The following KDM4B variants were observed in gnomAD, a reference collection of about 807,000 sequenced individuals.
The protein encoded by KDM4B is lysine demethylase 4B.
KDM4B carries 32 observed loss-of-function variants against 125.2 expected under a neutral mutation model. The observed-to-expected ratio is 0.26, with a 90% CI of 0.19 to 0.34. The LOEUF is 0.34. Among genes scored for constraint, KDM4B ranks in the 10% least tolerant of loss-of-function variants. The probability of loss-of-function intolerance (pLI) is 1.00; values close to 1 mark genes in which losing one functional copy is unlikely to be tolerated. For missense variants in KDM4B, 1,190 were observed against 1,577.7 expected (o/e 0.75, Z 4.16); for synonymous variants, 721 against 677.9 (o/e 1.06, Z -0.99).
chr19:5,144,765 C>T lies in KDM4B; in HGVS notation c.2902-18C>T, dbSNP rs561475468. ...GTAGTGTGGCCAGGACCTCACCTCC[C>T]ACCTCTTCTCCCTGCAGAGTAGGGA... On this transcript the variant is annotated intron_variant, in intron 20 of 22. Coordinates refer to ENST00000159111, the MANE Select transcript of KDM4B (RefSeq NM_015015.3). 17 of 1,613,360 alleles carry T rather than the reference C, an allele frequency of 1.1e-5. No individual in the cohort carries two copies. The highest frequency in any genetic ancestry group is 3.3e-5 in the Admixed American group (2 of 60,002).
At chr19:4,976,772 C>A (rs181940893) in intron 1 of KDM4B, among the ~76,000 whole-genome samples, 1 of 152,288 alleles carries the variant, frequency 6.6e-6, no homozygotes, top group Non-Finnish European at 1.5e-5. Context: ...ATCGTGCGGT[C>A]AGTAGCCGAG....
In KDM4B at chr19:5,137,803, G is replaced by A. The variant is rs1754066641; in HGVS notation, c.2441+127G>A. The A allele has an allele frequency of 4.6e-6, 5 of 1,079,846 alleles. No individual in the cohort carries two copies. In the African/African-American group the frequency reaches 7.8e-5, roughly 17 times the overall value. The allele number at this position is 1,079,846 out of a possible 1,614,324, so 66.9% of individuals were successfully genotyped here. The stretch of plus-strand genomic sequence containing the variant: ...CTCCACATAACCGCCCTGTGTCATG[G>A]ATGGGGTGGCCAGGGCTGAGGAGGA... On this transcript the variant is annotated intron_variant, in intron 17 of 22. Coordinates refer to ENST00000159111, the MANE Select transcript of KDM4B (RefSeq NM_015015.3).
chr19:4,999,004 C>T (rs1169861685), intron 1 of KDM4B, among the ~76,000 whole-genome samples: 1 of 152,166 alleles, frequency 6.6e-6, no homozygotes, highest in Non-Finnish European at 1.5e-5. Flanking sequence ...GGTTTCCCCA[C>T]CCTAACATTA....
At chr19:4,970,842 G>C (rs1273947830) in intron 1 of KDM4B, among the ~76,000 whole-genome samples, 2 of 152,178 alleles carry the variant, frequency 1.3e-5, no homozygotes, top group Non-Finnish European at 2.9e-5. Flanking sequence ...TCTGAGCCGA[G>C]GATTTCTGGG....
chr19:5,041,349 C>T (rs1256224922), intron 5 of KDM4B, 98 bp downstream of exon 5: 3 of 901,644 alleles, frequency 3.3e-6, no homozygotes, highest in Non-Finnish European at 5.2e-6. Context: ...ATGAAGCTTC[C>T]AGGCAGGCAA....
At chr19:5,110,914 G>A (rs1182905515) in intron 10 of KDM4B, 96 bp downstream of exon 10, 9 of 984,952 alleles carry the variant, frequency 9.1e-6, no homozygotes, top group South Asian at 1.7e-5. Flanking sequence ...GGGGCTCCGG[G>A]CCGTGTCCCA....
chr19:4,989,581 TC>T (rs2034966113), intron 1 of KDM4B, among the ~76,000 whole-genome samples: 1 of 152,146 alleles, frequency 6.6e-6, no homozygotes, highest in Non-Finnish European at 1.5e-5. Flanking sequence ...CCTCAGGTGA[TC>T]CGCCTGCCTC....
rs370061478 is a variant in KDM4B at position 5,120,958 on chromosome 19, G to A, written c.1315+1106G>A. 2.4e-4 allele frequency among the ~76,000 whole-genome samples: 37 copies of A among 152,304 alleles called. No homozygotes were observed. In the South Asian group the frequency reaches 7.0e-3, roughly 29 times the overall value. The stretch of plus-strand genomic sequence containing the variant: ...GCCCAACATGACCTGGTCTGCCTCT[G>A]AGGTGTCAGGTCTCCAGGACGCGCT... On this transcript the variant is annotated intron_variant, in intron 11 of 22. Coordinates refer to ENST00000159111, the MANE Select transcript of KDM4B (RefSeq NM_015015.3).
chr19:5,151,471 G>A lies in KDM4B; in HGVS notation c.3251G>A (p.Ser1084Asn), dbSNP rs1386826290. 3.3e-6 allele frequency: 5 copies of A among 1,510,268 alleles called. No individual in the cohort carries two copies. In the South Asian group the frequency reaches 4.9e-5, roughly 15 times the overall value. The allele number at this position is 1,510,268 out of a possible 1,614,324, so 93.6% of individuals were successfully genotyped here. The part of the protein sequence containing the change: ...RSQDYVAFVE[S>N]LLQVQGRPGA... ...CAGGACTACGTGGCCTTCGTGGAGA[G>A]CCTCCTGCAGGTGCAGGGCCGGCCC... Residue 1084 changes from serine (S) to asparagine (N), a missense_variant, in exon 23 of 23, where the codon AGC becomes AAC. Coordinates refer to ENST00000159111, the MANE Select transcript of KDM4B (RefSeq NM_015015.3).
intron 2 of KDM4B, among the ~76,000 whole-genome samples, chr19:5,026,555 G>A (rs958771984): frequency 4.6e-5 from 7 of 152,126 alleles, no homozygotes; most frequent in African/African-American, 9.7e-5. Context: ...ATTGGGCCCC[G>A]TCTCGTCCCA....
chr19:5,061,595 C>T (rs1373372428), intron 6 of KDM4B, among the ~76,000 whole-genome samples: 1 of 152,132 alleles, frequency 6.6e-6, no homozygotes, highest in Non-Finnish European at 1.5e-5. Context: ...CAGGTTGGCT[C>T]ATGCCTGTAA....
intron 6 of KDM4B, among the ~76,000 whole-genome samples, chr19:5,063,787 C>T (rs1307358786): frequency 2.0e-5 from 3 of 152,242 alleles, no homozygotes; most frequent in Non-Finnish European, 4.4e-5. Flanking sequence ...TGGCCATTTC[C>T]GTGGACGGAG....
intron 6 of KDM4B, among the ~76,000 whole-genome samples, chr19:5,058,063 A>T (rs1255480593): frequency 6.6e-6 from 1 of 152,240 alleles, no homozygotes; most frequent in Non-Finnish European, 1.5e-5. Flanking sequence ...GCCAGCACCC[A>T]GTCACGTGGC....
In KDM4B at chr19:5,088,377, C is replaced by T. The variant is rs909984267; in HGVS notation, c.918+5873C>T. Among the ~76,000 whole-genome samples the T allele has an allele frequency of 5.3e-5, 8 of 152,318 alleles. 1 individual carries two copies. The highest frequency in any genetic ancestry group is 1.7e-4 in the African/African-American group (7 of 41,570). On this transcript the variant is annotated intron_variant, in intron 9 of 22. Coordinates refer to ENST00000159111, the MANE Select transcript of KDM4B (RefSeq NM_015015.3). ...CCCGGGCTTTGTCTCCAACTCCCCC[C>T]GTGATTCCTGGACCACGCAGGCCAT...
intron 13 of KDM4B, 31 bp from the exon 14 acceptor site, chr19:5,133,852 G>A: frequency 6.2e-7 from 1 of 1,607,268 alleles, no homozygotes; most frequent in African/African-American, 1.3e-5. Context: ...GGGCTCAAGT[G>A]TCTCTCTCCC....
chr19:4,996,704 C>T (rs1401715363), intron 1 of KDM4B, among the ~76,000 whole-genome samples: 1 of 152,210 alleles, frequency 6.6e-6, no homozygotes, highest in African/African-American at 2.4e-5. Context: ...GTCTCTGCCC[C>T]TCCTTATAAC....
In KDM4B at chr19:4,997,372, C is replaced by T. The variant is rs1352947668; in HGVS notation, c.-108-18885C>T. On this transcript the variant is annotated intron_variant, in intron 1 of 22. Coordinates refer to ENST00000159111, the MANE Select transcript of KDM4B (RefSeq NM_015015.3). This position sits in a 1 kb window ranked among gnomAD's most constrained non-coding sequence, Gnocchi z 4.2. Reference sequence around the variant, plus strand: ...CCCCGCCCTAGGAGTCCAGGAGCGTCGGCCCCTGGCTTCCACTGTGTCCTT... The same window carrying T: ...CCCCGCCCTAGGAGTCCAGGAGCGTTGGCCCCTGGCTTCCACTGTGTCCTT... 6.6e-6 allele frequency among the ~76,000 whole-genome samples: 1 copy of T among 152,118 alleles called. No homozygotes were observed. Among genetic ancestry groups the T allele is most frequent in the Non-Finnish European group, 1.5e-5 (1 of 68,022 alleles).
Position 5,078,187 on chromosome 19 carries a change from G to A in KDM4B, c.780+717G>A, listed in dbSNP as rs1256031224. The A allele has an allele frequency of 6.5e-6, 1 of 152,836 alleles. No individual in the cohort carries two copies. The highest frequency in any genetic ancestry group is 1.5e-5 in the Non-Finnish European group (1 of 68,490). 9.5% of individuals were successfully genotyped at this position (152,836 alleles called of 1,614,324 possible). ...TCCCCATGGAGAAGCCTTTGTCCAT[G>A]GGAGAGTCTAGGCCTGTGTCCCCAG... On this transcript the variant is annotated intron_variant, in intron 8 of 22. Transcript: ENST00000159111. This position sits in a 1 kb window ranked among gnomAD's most constrained non-coding sequence, Gnocchi z 4.5.
intron 6 of KDM4B, among the ~76,000 whole-genome samples, chr19:5,062,586 G>A (rs1354792191): frequency 6.6e-6 from 1 of 152,150 alleles, no homozygotes; most frequent in African/African-American, 2.4e-5. Flanking sequence ...ACGAGGGACA[G>A]GTTTACCCTA....
Sources: gnomAD v4.1 joint callset for allele counts (sites outside exome capture counted in the v4.1 genomes callset) on GRCh38, gnomAD v4.1.1 for gene constraint, Gnocchi (gnomAD v3.1) non-coding constraint, MANE v1.5 for transcripts, NCBI Gene and HGNC (gene_info 2026-07-23, HGNC 2026-07-21) for gene names.